ZNF653: variants seen among roughly 807,000 people sequenced by gnomAD.
ZNF653 encodes the protein zinc finger protein 653, also known as 67 kDa zinc finger protein.
A neutral mutation model predicts 59.9 loss-of-function variants in ZNF653; 37 were observed. The observed-to-expected ratio is 0.62, with a 90% CI of 0.48 to 0.81. ZNF653 has a LOEUF of 0.81. ZNF653 is among the 40% of genes least tolerant of loss of function. The pLI is 0.00. For synonymous variants in ZNF653, 435 were observed against 371.8 expected, an observed-to-expected ratio of 1.17 and a Z score of -1.96; for missense variants, 808 against 881.1, an observed-to-expected ratio of 0.92 and a Z score of 1.05.
At chr19:11,489,790 A>C (rs1971511082) in intron 3 of ZNF653, among the ~76,000 whole-genome samples, 1 of 152,124 alleles carries the variant, frequency 6.6e-6, no homozygotes, top group Non-Finnish European at 1.5e-5. Context: ...CTCCTCTCTT[A>C]GCCCCCAGAC....
rs1000418373 is a variant in ZNF653, at chr19:11,483,580, G to C, written c.*102C>G. On this transcript the variant is annotated 3_prime_UTR_variant, in exon 9 of 9. Transcript: ENST00000293771. ...GGGCGGGGCGGGGGCGCCTCCTTCCGGCCCGCGGTCCGGGCGGCCCTCGCA... is the reference window on the plus strand; with the variant it reads ...GGGCGGGGCGGGGGCGCCTCCTTCCCGCCCGCGGTCCGGGCGGCCCTCGCA... 6.2e-6 allele frequency: 9 copies of C among 1,447,952 alleles called. No homozygotes were observed. Among genetic ancestry groups the C allele is most frequent in the Non-Finnish European group, 8.2e-6 (9 of 1,094,606 alleles). 89.7% of individuals were successfully genotyped at this position (1,447,952 alleles called of 1,614,324 possible).
intron 1 of ZNF653, among the ~76,000 whole-genome samples, chr19:11,503,922 AG>A (rs1185450492): frequency 1.3e-5 from 2 of 152,024 alleles, no homozygotes; most frequent in African/African-American, 2.4e-5. Context: ...TGGGCAACAC[AG>A]GGAAACCTCT....
intron 1 of ZNF653, chr19:11,504,509 C>T (rs1019737214): frequency 1.1e-5 from 11 of 985,278 alleles, no homozygotes; most frequent in Non-Finnish European, 1.3e-5. Context: ...GGTATCTTTG[C>T]GCTCCCAGCA....
At chr19:11,486,003 G>A (rs1971461855) in intron 6 of ZNF653, among the ~76,000 whole-genome samples, 1 of 152,044 alleles carries the variant, frequency 6.6e-6, no homozygotes, top group African/African-American at 2.4e-5. Flanking sequence ...AGGCTGGAGT[G>A]CAGTGGTGTT....
intron 1 of ZNF653, among the ~76,000 whole-genome samples, chr19:11,503,051 G>C (rs1186953661): frequency 6.6e-6 from 1 of 151,720 alleles, no homozygotes; most frequent in Non-Finnish European, 1.5e-5. Flanking sequence ...AAAAAGGTGG[G>C]GGGGGCATCA....
Position 11,483,598 on chromosome 19 carries a change from C to G in ZNF653, c.*84G>C, listed in dbSNP as rs747359930. On this transcript the variant is annotated 3_prime_UTR_variant, in exon 9 of 9. Transcript: ENST00000293771. ...TCCTTCCGGCCCGCGGTCCGGGCGG[C>G]CCTCGCAGCTGTCCAGGCCCCGGCA... 6.6e-7 allele frequency: 1 copy of G among 1,506,960 alleles called. No individual in the cohort carries two copies. The highest frequency in any genetic ancestry group is 2.4e-5 in the East Asian group (1 of 41,778). 93.3% of individuals were successfully genotyped at this position (1,506,960 alleles called of 1,614,324 possible). A position where few individuals can be genotyped will look rare whatever the true frequency, so the allele number is the denominator to read the frequency against.
rs1971540540 is a variant in ZNF653 at position 11,492,633 on chromosome 19, T to A, written c.559+3317A>T. Reference sequence around the variant, plus strand: ...CACTGGGATTACAGGCTTGAGCCACTGTGCCCAGCCTGCACTCTATATTTT... The same window carrying A: ...CACTGGGATTACAGGCTTGAGCCACAGTGCCCAGCCTGCACTCTATATTTT... On this transcript the variant is annotated intron_variant, in intron 3 of 8. Coordinates refer to ENST00000293771, the MANE Select transcript of ZNF653 (RefSeq NM_138783.4). 3.9e-5 allele frequency among the ~76,000 whole-genome samples: 6 copies of A among 152,074 alleles called. No individual in the cohort carries two copies. The South Asian group carries it at 1.2e-3, about 31-fold the overall frequency.
chr19:11,496,379 T>A (rs1016204220), intron 2 of ZNF653, among the ~76,000 whole-genome samples: 5 of 152,172 alleles, frequency 3.3e-5, no homozygotes, highest in African/African-American at 4.8e-5. Flanking sequence ...GGCAAAGTCA[T>A]GTAAACAGTG....
At chr19:11,484,306 G>A (rs55643734) in intron 7 of ZNF653, among the ~76,000 whole-genome samples, 165 bp from the exon 8 acceptor site, 10,101 of 151,970 alleles carry the variant, frequency 0.066, 487 homozygotes, top group African/African-American at 0.13. Context: ...TTTGCCCACA[G>A]ACGCCATCAA....
chr19:11,485,001 G>C (rs1971450174), intron 7 of ZNF653, among the ~76,000 whole-genome samples: 1 of 151,472 alleles, frequency 6.6e-6, no homozygotes, highest in Non-Finnish European at 1.5e-5. Context: ...AGTGAGCCAA[G>C]ATCGGATTCC....
chr19:11,505,366 C>T (rs888255583), intron 1 of ZNF653, 122 bp downstream of exon 1: 6 of 1,079,616 alleles, frequency 5.6e-6, no homozygotes, highest in Admixed American at 4.2e-5. Flanking sequence ...GCCGCCGGCC[C>T]GGCTCCTGGG....
At position 11,496,044 on chromosome 19, in the gene ZNF653, C is replaced by G. The variant is rs201734950; in HGVS notation, c.465G>C (p.Thr155=). The G allele has an allele frequency of 6.2e-7, 1 of 1,614,176 alleles. No individual in the cohort carries two copies. The highest frequency in any genetic ancestry group is 8.5e-7 in the Non-Finnish European group (1 of 1,180,010). Residue 155 remains threonine, a synonymous_variant, in exon 3 of 9, where the codon ACG becomes ACC. Transcript: ENST00000293771. ...GGCCAGCTTCGCACTGCCACACGGC[C>G]GTGGTGTACAGGCCAAAAGTGGGGT... The part of the protein sequence containing the change: ...ELDPTFGLYT[T]AVWQCEAGHR...
chr19:11,502,906 C>T (rs966738112), intron 1 of ZNF653, among the ~76,000 whole-genome samples: 2 of 151,614 alleles, frequency 1.3e-5, no homozygotes, highest in South Asian at 2.1e-4. Flanking sequence ...TGGGGGTGCA[C>T]GCCTGTAATC....
chr19:11,498,936 C>G (rs1464819720), intron 1 of ZNF653, among the ~76,000 whole-genome samples: 2 of 146,402 alleles, frequency 1.4e-5, no homozygotes, highest in East Asian at 2.1e-4. Context: ...TGTTGGCCAT[C>G]CTGGTCTCAA....
At position 11,487,998 on chromosome 19, in the gene ZNF653, A is replaced by ATTTATTTATTTATTTATTTT. The variant is rs556169775; in HGVS notation, c.560-96_560-95insAAAATAAATAAATAAATAAA. 130 of 1,125,728 alleles carry ATTTATTTATTTATTTATTTT rather than the reference A, an allele frequency of 1.2e-4. No homozygotes were observed. In the African/African-American group the frequency reaches 1.9e-3, roughly 16 times the overall value. 69.7% of individuals were successfully genotyped at this position (1,125,728 alleles called of 1,614,324 possible). ...TTTTATTTTATTTATTTATTTATTT[A>ATTTATTTATTTATTTATTTT]TTTTTTTGAGACAGAGTCTCACTCT... On this transcript the variant is annotated intron_variant, in intron 3 of 8. Transcript: ENST00000293771. This position sits in a 1 kb window ranked among gnomAD's most constrained non-coding sequence, Gnocchi z 5.1.
rs1971459309 is a variant in ZNF653 at position 11,485,783 on chromosome 19, C to G, written c.1456-13G>C. 2 of 1,608,238 alleles carry G rather than the reference C, an allele frequency of 1.2e-6. No individual in the cohort carries two copies. Among genetic ancestry groups the G allele is most frequent in the Non-Finnish European group, 1.7e-6 (2 of 1,175,030 alleles). ...GATTGACGTGGTTCTGGAGACGAGA[C>G]AGGCAGAAGTGGGTCCCATAGGCCC... On this transcript the variant is annotated splice_polypyrimidine_tract_variant and intron_variant, in intron 6 of 8. Coordinates refer to ENST00000293771, the MANE Select transcript of ZNF653 (RefSeq NM_138783.4).
chr19:11,484,268 C>A, intron 7 of ZNF653, 127 bp from the exon 8 acceptor site: 1 of 735,508 alleles, frequency 1.4e-6, no homozygotes, highest in Admixed American at 2.2e-5. Flanking sequence ...AGGTGCAGGC[C>A]GACCAAACCC....
chr19:11,496,237 A>T, intron 2 of ZNF653, 72 bp from the exon 3 acceptor site: 1 of 1,492,764 alleles, frequency 6.7e-7, no homozygotes, highest in Non-Finnish European at 9.1e-7. Flanking sequence ...TGCCTGAACC[A>T]CCGGGGCTTT....
At chr19:11,484,736 A>G (rs1288156227) in intron 7 of ZNF653, among the ~76,000 whole-genome samples, 9 of 152,120 alleles carry the variant, frequency 5.9e-5, no homozygotes, top group Admixed American at 3.3e-4. Context: ...TGATTTCGCA[A>G]AATGAAAACA....
Sources: allele counts gnomAD v4.1 joint callset (sites outside exome capture counted in the v4.1 genomes callset), GRCh38; gene constraint gnomAD v4.1.1; non-coding constraint Gnocchi (gnomAD v3.1); transcripts MANE v1.5; gene names NCBI Gene and HGNC (gene_info 2026-07-23, HGNC 2026-07-21).